The following PRMT8 variants were observed in gnomAD, a reference collection of about 807,000 sequenced individuals.
PRMT8 encodes protein arginine N-methyltransferase 8.
A neutral mutation model predicts 47.1 loss-of-function variants in PRMT8; 7 were observed. The ratio of observed to expected loss-of-function variants is 0.15; its 90% CI spans 0.08 to 0.28. PRMT8 has a LOEUF of 0.28. Among genes scored for constraint, PRMT8 ranks in the 10% least tolerant of loss-of-function variants. The pLI is 1.00. For missense variants in PRMT8, 237 were observed against 505.4 expected, an observed-to-expected ratio of 0.47 and a Z score of 5.09; for synonymous variants, 188 against 186.5, an observed-to-expected ratio of 1.01 and a Z score of -0.07.
chr12:3,524,723 T>C (rs981804849), intron 1 of PRMT8, among the ~76,000 whole-genome samples: 3 of 151,180 alleles, frequency 2.0e-5, no homozygotes, highest in African/African-American at 7.3e-5. Flanking sequence ...TGACCCCATG[T>C]GTCCAGTCTA....
rs1177982259 is a variant in PRMT8 at position 3,456,483 on chromosome 12, G to T, written c.48+75041G>T. On this transcript the variant is annotated intron_variant, in intron 1 of 9. Coordinates refer to the PRMT8 transcript ENST00000452611. This position sits in a 1 kb window ranked among gnomAD's most constrained non-coding sequence, Gnocchi z 4.2. ...ACAAGCAAAACTCCTCTCCCAGGTG[G>T]GAGGGCAGGACCCACGAGCACACAT... Among the ~76,000 whole-genome samples the T allele has an allele frequency of 4.6e-5, 7 of 152,164 alleles. No homozygotes were observed. Among genetic ancestry groups the T allele is most frequent in the African/African-American group, 1.4e-4 (6 of 41,430 alleles).
At chr12:3,520,714 T>A (rs147542649) in intron 1 of PRMT8, among the ~76,000 whole-genome samples, 2 of 152,316 alleles carry the variant, frequency 1.3e-5, no homozygotes, top group African/African-American at 4.8e-5. Context: ...AATTACTCAA[T>A]AATTGTTCAG....
At chr12:3,540,857 G>A (rs557860479) in intron 2 of PRMT8, 66 bp downstream of exon 2, 45 of 1,498,156 alleles carry the variant, frequency 3.0e-5, no homozygotes, top group South Asian at 8.6e-5. Flanking sequence ...GTTTTCAGAG[G>A]CAGCATAGTG....
chr12:3,551,203 G>C (rs1370044513), intron 3 of PRMT8: 1 of 152,284 alleles, frequency 6.6e-6, no homozygotes, highest in Non-Finnish European at 1.5e-5. Flanking sequence ...GCCTGACTTG[G>C]AAAACCCTTG....
Position 3,491,380 on chromosome 12 carries a change from C to T in PRMT8, c.-246C>T. 10 of 1,196,312 alleles carry T rather than the reference C, an allele frequency of 8.4e-6. No individual in the cohort carries two copies. Among genetic ancestry groups the T allele is most frequent in the Non-Finnish European group, 8.3e-6 (8 of 963,418 alleles). 74.1% of individuals were successfully genotyped at this position (1,196,312 alleles called of 1,614,324 possible). A position where few individuals can be genotyped will look rare whatever the true frequency, so the allele number is the denominator to read the frequency against. On this transcript the variant is annotated 5_prime_UTR_variant, in exon 1 of 10. Coordinates refer to ENST00000382622, the MANE Select transcript of PRMT8 (RefSeq NM_019854.5). Reference sequence around the variant, plus strand: ...GGGTGGAGAGGGGCGGGGAGGGGGTCGGGGGCACGAGAAGAACTTGAAACC... The same window carrying T: ...GGGTGGAGAGGGGCGGGGAGGGGGTTGGGGGCACGAGAAGAACTTGAAACC...
chr12:3,411,457 T>TA (rs1167806582), intron 1 of PRMT8, among the ~76,000 whole-genome samples: 3 of 152,184 alleles, frequency 2.0e-5, no homozygotes, highest in Admixed American at 6.5e-5. Flanking sequence ...AGCCCCAACC[T>TA]AGCCAGTACA....
intron 1 of PRMT8, among the ~76,000 whole-genome samples, chr12:3,510,140 C>T (rs562643609): frequency 1.3e-5 from 2 of 152,296 alleles, no homozygotes; most frequent in East Asian, 3.9e-4. Context: ...TGTTCTCAGA[C>T]CAGAGATCTG....
intron 8 of PRMT8, among the ~76,000 whole-genome samples, chr12:3,584,572 G>C (rs748542549): frequency 1.3e-5 from 2 of 152,094 alleles, no homozygotes; most frequent in Non-Finnish European, 2.9e-5. Flanking sequence ...ACAGCAAGAA[G>C]AAATCAGGAC....
At chr12:3,381,526 G>C in intron 1 of PRMT8, 1 of 1,397,444 alleles carries the variant, frequency 7.2e-7, no homozygotes, top group Non-Finnish European at 9.8e-7. Flanking sequence ...CGTGTGGGCT[G>C]TTGGCTTTTT....
At chr12:3,517,228 C>T (rs1325994633) in intron 1 of PRMT8, among the ~76,000 whole-genome samples, 1 of 152,172 alleles carries the variant, frequency 6.6e-6, no homozygotes, top group Non-Finnish European at 1.5e-5. Context: ...CATTAAAAGT[C>T]TCACTTTCGC....
intron 1 of PRMT8, among the ~76,000 whole-genome samples, chr12:3,437,622 C>CTATATATATATA (rs57504454): frequency 1.2e-3 from 178 of 142,836 alleles, no homozygotes; most frequent in African/African-American, 3.6e-3. Flanking sequence ...TGCATTCAGG[C>CTATATATATATA]TATATATATA....
rs201649399 is a variant in PRMT8, at chr12:3,593,187, C to T, written c.*5C>T. The T allele has an allele frequency of 1.8e-4, 294 of 1,611,578 alleles. No homozygotes were observed. The highest frequency in any genetic ancestry group is 2.3e-4 in the Non-Finnish European group (267 of 1,178,026). ...AATGACTACAAAATGCGTTAGCACA[C>T]GTGGGAAGCTGCAGAGAGCAACGAG... On this transcript the variant is annotated 3_prime_UTR_variant, in exon 10 of 10. Transcript: ENST00000382622. The surrounding 1 kb of genome is among the most constrained non-coding windows in gnomAD (Gnocchi z 4.8).
At chr12:3,410,585 T>C (rs1864417888) in intron 1 of PRMT8, among the ~76,000 whole-genome samples, 1 of 152,244 alleles carries the variant, frequency 6.6e-6, no homozygotes, top group Admixed American at 6.5e-5. Flanking sequence ...CTCGGCTCAC[T>C]GCAACCTCCG....
chr12:3,546,226 A>G (rs1388312919), intron 2 of PRMT8, among the ~76,000 whole-genome samples: 1 of 152,252 alleles, frequency 6.6e-6, no homozygotes, highest in Non-Finnish European at 1.5e-5. Flanking sequence ...ACAGCTTCAA[A>G]TGCTTATGGG....
At chr12:3,455,047 C>T (rs960173293) in intron 1 of PRMT8, among the ~76,000 whole-genome samples, 9 of 152,198 alleles carry the variant, frequency 5.9e-5, no homozygotes, top group African/African-American at 1.9e-4. Context: ...TTGTCCTCCA[C>T]AGTCCCCTTA....
chr12:3,529,983 TGTA>T (rs1312035569), intron 1 of PRMT8, among the ~76,000 whole-genome samples: 2 of 152,216 alleles, frequency 1.3e-5, no homozygotes, highest in African/African-American at 4.8e-5. Context: ...TGAAGCCACT[TGTA>T]GTGTGTGGAA....
upstream of PRMT8, among the ~76,000 whole-genome samples, chr12:3,489,217 C>T (rs968361304): frequency 3.9e-5 from 6 of 152,118 alleles, no homozygotes; most frequent in Middle Eastern, 6.8e-3. Flanking sequence ...ATTTCAACAG[C>T]GAAAGGAGGA....
chr12:3,557,929 T>G lies in PRMT8; in HGVS notation c.481+4215T>G, dbSNP rs1342772320. On this transcript the variant is annotated intron_variant, in intron 4 of 9. Coordinates refer to ENST00000382622, the MANE Select transcript of PRMT8 (RefSeq NM_019854.5). This position sits in a 1 kb window ranked among gnomAD's most constrained non-coding sequence, Gnocchi z 4.7. ...AGCACCTAGACCATTCCCCTCCCTCTGCACAGGTTTCACCTGTGCCGTAAT... is the reference window on the plus strand; with the variant it reads ...AGCACCTAGACCATTCCCCTCCCTCGGCACAGGTTTCACCTGTGCCGTAAT... Among the ~76,000 whole-genome samples the G allele has an allele frequency of 1.3e-5, 2 of 152,090 alleles. No homozygotes were observed. Among genetic ancestry groups the G allele is most frequent in the East Asian group, 1.9e-4 (1 of 5,182 alleles).
rs937215351 is a variant in PRMT8 at position 3,423,459 on chromosome 12, A to G, written c.48+42017A>G. ...CTTGTGCTCAAGTAGCAGGCCCATAATATTGTATGATTTTCTCAGAGGGCC... is the reference window on the plus strand; with the variant it reads ...CTTGTGCTCAAGTAGCAGGCCCATAGTATTGTATGATTTTCTCAGAGGGCC... On this transcript the variant is annotated intron_variant, in intron 1 of 9. Transcript: ENST00000452611. Among the ~76,000 whole-genome samples, 12 of 152,176 alleles carry G rather than the reference A, an allele frequency of 7.9e-5. 1 individual carries two copies. The highest frequency in any genetic ancestry group is 2.4e-4 in the African/African-American group (10 of 41,438).
Sources: allele counts gnomAD v4.1 joint callset (sites outside exome capture counted in the v4.1 genomes callset), GRCh38; gene constraint gnomAD v4.1.1; non-coding constraint Gnocchi (gnomAD v3.1); transcripts MANE v1.5; gene names NCBI Gene and HGNC (gene_info 2026-07-23, HGNC 2026-07-21).